ZNF423: variants seen among roughly 807,000 people sequenced by gnomAD.
ZNF423 encodes Ebf-associated zinc finger protein.
A neutral mutation model predicts 95.8 loss-of-function variants in ZNF423; 12 were observed. The observed-to-expected ratio is 0.13, with a 90% confidence interval of 0.08 to 0.20. The LOEUF (loss-of-function observed/expected upper bound fraction) is 0.20. ZNF423 is among the 10% of genes least tolerant of loss of function. The pLI, the probability that ZNF423 is intolerant of heterozygous loss-of-function variation, is 1.00. For synonymous variants in ZNF423, 749 were observed against 711.9 expected (o/e 1.05, Z -0.83); for missense variants, 1,316 against 1,737.1 (o/e 0.76, Z 4.31).
Position 49,783,884 on chromosome 16 carries a change from C to T in ZNF423, c.100+5603G>A, listed in dbSNP as rs190978781. Among the ~76,000 whole-genome samples the T allele has an allele frequency of 4.3e-3, 651 of 150,820 alleles. 2 individuals carry two copies. The highest frequency in any genetic ancestry group is 0.02 in the Middle Eastern group (6 of 294). On this transcript the variant is annotated intron_variant, in intron 2 of 7. Coordinates refer to ENST00000563137, the MANE Select transcript of ZNF423 (RefSeq NM_001379286.1). Reference sequence around the variant, plus strand: ...ACTCGGGAGGCTGAGGCAGGAGAATCGTTTGAACCTGGGAGGTGGAGGTTG... The same window carrying T: ...ACTCGGGAGGCTGAGGCAGGAGAATTGTTTGAACCTGGGAGGTGGAGGTTG...
At chr16:49,807,993 T>C (rs2034691984) in intron 1 of ZNF423, among the ~76,000 whole-genome samples, 1 of 152,206 alleles carries the variant, frequency 6.6e-6, no homozygotes, top group African/African-American at 2.4e-5. Flanking sequence ...CCTTTTTTTC[T>C]AGCTTCTCCC....
chr16:49,777,645 A>C, intron 2 of ZNF423, among the ~76,000 whole-genome samples: 1 of 152,176 alleles, frequency 6.6e-6, no homozygotes, highest in East Asian at 1.9e-4. Flanking sequence ...GTAAGTCTCC[A>C]CTGAGTCCCA....
intron 1 of ZNF423, among the ~76,000 whole-genome samples, chr16:49,797,918 C>T (rs1393927540): frequency 6.6e-5 from 8 of 120,932 alleles, no homozygotes; most frequent in African/African-American, 9.0e-5. Flanking sequence ...TTAAAGAAAC[C>T]GATTTTTTAG....
At chr16:49,771,169 T>G (rs1008442349) in intron 2 of ZNF423, among the ~76,000 whole-genome samples, 2 of 149,600 alleles carry the variant, frequency 1.3e-5, no homozygotes, top group Admixed American at 1.3e-4. Flanking sequence ...CCAAATCTCA[T>G]CTTGAATTTC....
Position 49,730,946 on chromosome 16 carries a change from G to C in ZNF423, c.126C>G (p.Cys42Trp), listed in dbSNP as rs139517505. ...CCAGCGCACGGCTGGTTTTCTGATC[G>C]CACTCTGGCTCTCCTTCTAGGCCTC... The part of the protein sequence containing the change: ...AAGGLEGEPE[C>W]DQKTSRALED... The change falls in exon 3 of 8, where the codon TGC (cysteine) becomes TGG (tryptophan). Residue 42 changes from cysteine (C) to tryptophan (W), a missense_variant. Around this residue, in one of 6 missense-constraint regions of ZNF423, gnomAD observed 155 missense variants for 170.8 expected, o/e 0.91. Coordinates refer to ENST00000563137, the MANE Select transcript of ZNF423 (RefSeq NM_001379286.1). 3 of 1,614,126 alleles carry C rather than the reference G, an allele frequency of 1.9e-6. No homozygotes were observed. Among genetic ancestry groups the C allele is most frequent in the Non-Finnish European group, 8.5e-7 (1 of 1,180,024 alleles).
At chr16:49,750,474 T>G (rs2033613890) in intron 2 of ZNF423, among the ~76,000 whole-genome samples, 3 of 152,162 alleles carry the variant, frequency 2.0e-5, no homozygotes, top group Admixed American at 6.5e-5. Flanking sequence ...CTGCCAGCAC[T>G]GAGTCACAGA....
intron 2 of ZNF423, among the ~76,000 whole-genome samples, chr16:49,778,362 G>C (rs1049955434): frequency 1.3e-5 from 2 of 152,224 alleles, no homozygotes; most frequent in African/African-American, 4.8e-5. Context: ...GTCCACCCAG[G>C]AAGCCAACAC....
chr16:49,620,593 G>A (rs1972038918), intron 5 of ZNF423, among the ~76,000 whole-genome samples: 3 of 152,154 alleles, frequency 2.0e-5, no homozygotes, highest in African/African-American at 7.2e-5. Context: ...GGACAGCAAG[G>A]GCAAGCGTTC....
At chr16:49,687,371 C>T (rs1023027881) in intron 3 of ZNF423, among the ~76,000 whole-genome samples, 13 of 152,178 alleles carry the variant, frequency 8.5e-5, no homozygotes, top group Non-Finnish European at 1.8e-4. Context: ...TGCCTGTCCC[C>T]ACCTACCCCT....
chr16:49,696,551 C>A (rs544897102), intron 3 of ZNF423, among the ~76,000 whole-genome samples: 1 of 152,282 alleles, frequency 6.6e-6, no homozygotes, highest in Non-Finnish European at 1.5e-5. Flanking sequence ...GCCCGCCAGG[C>A]CTGGCTGGCC....
chr16:49,706,633 C>T (rs190613442), intron 3 of ZNF423, among the ~76,000 whole-genome samples: 36 of 152,318 alleles, frequency 2.4e-4, no homozygotes, highest in African/African-American at 7.9e-4. Context: ...AATGACCCTG[C>T]CACATTTTTT....
chr16:49,579,951 T>C (rs1055676080), intron 5 of ZNF423, among the ~76,000 whole-genome samples: 10 of 151,980 alleles, frequency 6.6e-5, no homozygotes, highest in Non-Finnish European at 4.4e-5. Flanking sequence ...TGACGCAGCC[T>C]CCCCAGCCAC....
intron 5 of ZNF423, among the ~76,000 whole-genome samples, chr16:49,547,963 C>T (rs1969500621): frequency 6.6e-6 from 1 of 152,188 alleles, no homozygotes; most frequent in Admixed American, 6.5e-5. Context: ...CCCTTGCACA[C>T]CTCAAATTTA....
chr16:49,692,569 C>T (rs1335608694), intron 3 of ZNF423, among the ~76,000 whole-genome samples: 1 of 152,202 alleles, frequency 6.6e-6, no homozygotes, highest in Non-Finnish European at 1.5e-5. Flanking sequence ...GACTGAGAAG[C>T]CTGCAGCCGC....
At chr16:49,663,973 A>G in intron 3 of ZNF423, 1 of 690,308 alleles carries the variant, frequency 1.4e-6, no homozygotes, top group Non-Finnish European at 1.8e-6. Flanking sequence ...CCACTCCCCA[A>G]CGCGCCGGGA....
At chr16:49,785,791 C>A (rs1040152590) in intron 2 of ZNF423, among the ~76,000 whole-genome samples, 27 of 152,192 alleles carry the variant, frequency 1.8e-4, no homozygotes, top group Non-Finnish European at 7.3e-5. Context: ...GAGTTTGTGA[C>A]CCTGGCAAGG....
chr16:49,722,020 G>A (rs754650944), intron 3 of ZNF423, among the ~76,000 whole-genome samples: 57 of 152,214 alleles, frequency 3.7e-4, no homozygotes, highest in African/African-American at 1.0e-3. Context: ...CTTCGCAGGC[G>A]GTGAATAAAA....
At chr16:49,773,188 G>T (rs1351759709) in intron 2 of ZNF423, among the ~76,000 whole-genome samples, 2 of 152,232 alleles carry the variant, frequency 1.3e-5, no homozygotes, top group Middle Eastern at 3.4e-3. Context: ...ACATGGTGGT[G>T]GGTGCCTGTA....
chr16:49,505,510 C>T (rs146828923), intron 7 of ZNF423, among the ~76,000 whole-genome samples: 308 of 152,090 alleles, frequency 2.0e-3, no homozygotes, highest in Non-Finnish European at 3.8e-3. Flanking sequence ...AAGAATGGCC[C>T]CCAGCCCCTC....
Sources: gnomAD v4.1 joint callset for allele counts (sites outside exome capture counted in the v4.1 genomes callset) on GRCh38, gnomAD v4.1.1 for gene constraint, gnomAD v4.1.1 regional missense constraint, MANE v1.5 for transcripts, NCBI Gene and HGNC (gene_info 2026-07-23, HGNC 2026-07-21) for gene names.